The following PRR16 variants were observed in gnomAD, a reference collection of about 807,000 sequenced individuals.
The protein encoded by PRR16 is proline rich 16, also known as protein Largen.
A neutral mutation model predicts 18.2 loss-of-function variants in PRR16; 6 were observed. The ratio of observed to expected loss-of-function variants is 0.33; its 90% CI spans 0.18 to 0.65. The LOEUF (loss-of-function observed/expected upper bound fraction) is 0.65. Ranked by LOEUF, PRR16 falls within the 30% of genes least tolerant of loss-of-function variation. PRR16 has a pLI of 0.74. For missense variants in PRR16, 412 were observed against 376.6 expected (o/e 1.09, Z -0.78); for synonymous variants, 151 against 147.8 (o/e 1.02, Z -0.16).
At chr5:120,676,013 A>G (rs921964312) in intron 1 of PRR16, among the ~76,000 whole-genome samples, 1 of 152,208 alleles carries the variant, frequency 6.6e-6, no homozygotes, top group Non-Finnish European at 1.5e-5. Flanking sequence ...CTATTTCCAA[A>G]AAAACTTGGA....
intron 1 of PRR16, among the ~76,000 whole-genome samples, chr5:120,598,855 T>C (rs1753895270): frequency 6.6e-6 from 1 of 151,910 alleles, no homozygotes; most frequent in African/African-American, 2.4e-5. Flanking sequence ...TATTAATGCT[T>C]TTGGCTTTAA....
chr5:120,760,250 G>T, the PRR16 span, among the ~76,000 whole-genome samples: 1 of 152,048 alleles, frequency 6.6e-6, no homozygotes, highest in African/African-American at 2.4e-5. Context: ...ATGGATAAAA[G>T]TTGGGCATAT....
At chr5:120,512,206 C>G (rs966857600) in intron 1 of PRR16, among the ~76,000 whole-genome samples, 1 of 100,934 alleles carries the variant, frequency 9.9e-6, no homozygotes, top group African/African-American at 5.1e-5. Flanking sequence ...AGATAGCATT[C>G]AAGAGACACA....
the PRR16 span, among the ~76,000 whole-genome samples, chr5:120,751,591 G>A: frequency 1.3e-5 from 2 of 151,742 alleles, no homozygotes; most frequent in African/African-American, 4.8e-5. Flanking sequence ...TCATAATGGT[G>A]TATTTTCAGA....
intron 1 of PRR16, among the ~76,000 whole-genome samples, chr5:120,668,521 C>T (rs1162200116): frequency 2.0e-5 from 3 of 151,952 alleles, no homozygotes; most frequent in Admixed American, 1.3e-4. Context: ...TTATTTTGCT[C>T]GTTAGTTGAT....
the PRR16 span, among the ~76,000 whole-genome samples, chr5:120,734,152 T>A: frequency 6.6e-6 from 1 of 152,224 alleles, no homozygotes; most frequent in African/African-American, 2.4e-5. Flanking sequence ...CCTCTCTTGC[T>A]TGGAGCCTGA....
At chr5:120,498,290 A>G (rs960144621) in intron 1 of PRR16, among the ~76,000 whole-genome samples, 1 of 149,132 alleles carries the variant, frequency 6.7e-6, no homozygotes, top group Admixed American at 6.7e-5. Context: ...ATGTGTGTGT[A>G]TATATATAAA....
intron 1 of PRR16, among the ~76,000 whole-genome samples, chr5:120,506,647 C>T (rs942715643): frequency 1.3e-5 from 2 of 152,094 alleles, no homozygotes; most frequent in African/African-American, 4.8e-5. Context: ...AACAGGTCCA[C>T]AGTGTTATCA....
At chr5:120,540,087 T>C (rs1437649947) in intron 1 of PRR16, among the ~76,000 whole-genome samples, 2 of 152,222 alleles carry the variant, frequency 1.3e-5, no homozygotes, top group African/African-American at 4.8e-5. Context: ...CTAACAGGGC[T>C]TCTTATTTTG....
At chr5:120,477,271 G>T (rs1482348816) in intron 1 of PRR16, among the ~76,000 whole-genome samples, 1 of 151,806 alleles carries the variant, frequency 6.6e-6, no homozygotes, top group Non-Finnish European at 1.5e-5. Flanking sequence ...TCTCTACTTG[G>T]CTAAGAGACA....
At chr5:120,706,106 A>G in the PRR16 span, among the ~76,000 whole-genome samples, 1 of 152,176 alleles carries the variant, frequency 6.6e-6, no homozygotes, top group Non-Finnish European at 1.5e-5. Context: ...AATAATAACA[A>G]GAGAAAGAGA....
At chr5:120,726,942 A>G in the PRR16 span, among the ~76,000 whole-genome samples, 14 of 152,136 alleles carry the variant, frequency 9.2e-5, no homozygotes, top group African/African-American at 3.4e-4. Flanking sequence ...CTGGTTTTCT[A>G]CATTTGTCTT....
At chr5:120,620,905 G>C (rs899092813) in intron 1 of PRR16, among the ~76,000 whole-genome samples, 2 of 152,006 alleles carry the variant, frequency 1.3e-5, no homozygotes, top group African/African-American at 2.4e-5. Flanking sequence ...TGTTTAATAA[G>C]CATCTTAAAA....
chr5:120,581,228 C>T (rs898316284), intron 1 of PRR16, among the ~76,000 whole-genome samples: 1 of 152,162 alleles, frequency 6.6e-6, no homozygotes, highest in Non-Finnish European at 1.5e-5. Context: ...AGGGATTCAA[C>T]TTCTTCCTGG....
chr5:120,532,690 T>C (rs1165169506), intron 1 of PRR16, among the ~76,000 whole-genome samples: 1 of 152,140 alleles, frequency 6.6e-6, no homozygotes, highest in Non-Finnish European at 1.5e-5. Flanking sequence ...CTTTCAAGAA[T>C]ATTAACTTTA....
the PRR16 span, among the ~76,000 whole-genome samples, chr5:120,722,404 A>C: frequency 6.6e-6 from 1 of 152,026 alleles, no homozygotes; most frequent in South Asian, 2.1e-4. Flanking sequence ...CTTTAATGTA[A>C]TAAATTATAG....
rs114370442 is a variant in PRR16 at position 120,495,880 on chromosome 5, A to G, written c.159+31235A>G. ...GATTGAATATCCTTTTCTTTGCCCA[A>G]TTTTGGGGGGAATGTGTTTATTCTT... On this transcript the variant is annotated intron_variant, in intron 1 of 1. Transcript: ENST00000407149. Among the ~76,000 whole-genome samples, 635 of 152,040 alleles carry G rather than the reference A, an allele frequency of 4.2e-3. 1 individual carries two copies. The Middle Eastern group carries it at 0.048, about 11-fold the overall frequency.
At chr5:120,563,384 G>A (rs190518431) in intron 1 of PRR16, among the ~76,000 whole-genome samples, 66 of 152,118 alleles carry the variant, frequency 4.3e-4, no homozygotes, top group Non-Finnish European at 7.9e-4. Flanking sequence ...GGGAGTCAGG[G>A]ATCAAAAACC....
the PRR16 span, among the ~76,000 whole-genome samples, chr5:120,766,581 T>TAATC: frequency 2.0e-5 from 3 of 152,012 alleles, no homozygotes; most frequent in Non-Finnish European, 2.9e-5. Context: ...CACTTTTAAT[T>TAATC]AATCAGCTTA....
Sources: allele counts gnomAD v4.1 joint callset (sites outside exome capture counted in the v4.1 genomes callset), GRCh38; gene constraint gnomAD v4.1.1; transcripts MANE v1.5; gene names NCBI Gene and HGNC (gene_info 2026-07-23, HGNC 2026-07-21).